The following GPALPP1 variants were observed in gnomAD, a reference collection of about 807,000 sequenced individuals.
The protein encoded by GPALPP1 is GPALPP motifs-containing protein 1.
GPALPP1 carries 30 observed loss-of-function variants against 38.9 expected under a neutral mutation model. The observed-to-expected ratio is 0.77, with a 90% CI of 0.58 to 1.05. GPALPP1 has a LOEUF of 1.05. Ranked by LOEUF, GPALPP1 falls within the 50% of genes least tolerant of loss-of-function variation. The pLI is 0.00. For synonymous variants in GPALPP1, 120 were observed against 139.2 expected, an observed-to-expected ratio of 0.86 and a Z score of 0.97; for missense variants, 384 against 408.8, an observed-to-expected ratio of 0.94 and a Z score of 0.52.
At chr13:44,996,614 C>T (rs943515054) in intron 1 of GPALPP1, among the ~76,000 whole-genome samples, 1 of 151,622 alleles carries the variant, frequency 6.6e-6, no homozygotes, top group Non-Finnish European at 1.5e-5. Flanking sequence ...TCCTGACTAG[C>T]TGAAATTACG....
In GPALPP1 at chr13:45,010,536, G is replaced by A. The variant is rs923009145; in HGVS notation, c.408+1657G>A. On this transcript the variant is annotated intron_variant, in intron 4 of 7. Transcript: ENST00000379151. ...TAGTAGATATTCAGAAGTATTTGTC[G>A]AATGAATGAATGAATCAAACACAGT... 5.9e-5 allele frequency among the ~76,000 whole-genome samples: 9 copies of A among 152,018 alleles called. No homozygotes were observed. In the South Asian group the frequency reaches 1.2e-3, roughly 21 times the overall value.
chr13:44,991,648 G>T (rs560370749), intron 1 of GPALPP1, among the ~76,000 whole-genome samples: 16 of 152,188 alleles, frequency 1.1e-4, no homozygotes, highest in African/African-American at 3.9e-4. Context: ...CATCTATCTG[G>T]ATTTTTAAGA....
Position 45,022,040 on chromosome 13 carries a change from A to G in GPALPP1, c.804+1612A>G, listed in dbSNP as rs150115144. The stretch of plus-strand genomic sequence containing the variant: ...TAGATGCTTTATTCATAATAGTTAA[A>G]TACTGTAAGCAGCTCAAATGTTGAT... On this transcript the variant is annotated intron_variant, in intron 7 of 7. Coordinates refer to ENST00000379151, the MANE Select transcript of GPALPP1 (RefSeq NM_018559.5). Among the ~76,000 whole-genome samples, 5 of 152,366 alleles carry G rather than the reference A, an allele frequency of 3.3e-5. No homozygotes were observed. In the East Asian group the frequency reaches 9.6e-4, roughly 29 times the overall value.
chr13:45,017,065 G>A (rs913652494), intron 6 of GPALPP1, among the ~76,000 whole-genome samples: 1 of 152,136 alleles, frequency 6.6e-6, no homozygotes, highest in African/African-American at 2.4e-5. Context: ...CACTAGCTCT[G>A]TTTGTATTAC....
intron 1 of GPALPP1, 75 bp downstream of exon 1, chr13:44,989,817 G>A: frequency 8.3e-7 from 1 of 1,199,442 alleles, no homozygotes; most frequent in Non-Finnish European, 1.2e-6. Flanking sequence ...GCTGAAGAAA[G>A]TCGGAGGCCT....
intron 1 of GPALPP1, among the ~76,000 whole-genome samples, chr13:44,992,126 G>A (rs1377459793): frequency 6.6e-6 from 1 of 152,194 alleles, no homozygotes; most frequent in Non-Finnish European, 1.5e-5. Flanking sequence ...AGTTCTCAGC[G>A]TGTATGAGAA....
In GPALPP1 at chr13:45,029,235, T is replaced by C. The variant is rs149349108; in HGVS notation, c.*1232T>C. 1.2e-4 allele frequency: 18 copies of C among 152,328 alleles called. No homozygotes were observed. The highest frequency in any genetic ancestry group is 3.6e-4 in the African/African-American group (15 of 41,576). The allele number at this position is 152,328 out of a possible 1,614,324, so 9.4% of individuals were successfully genotyped here. A position where few individuals can be genotyped will look rare whatever the true frequency, so the allele number is the denominator to read the frequency against. On this transcript the variant is annotated 3_prime_UTR_variant, in exon 8 of 8. Coordinates refer to ENST00000379151, the MANE Select transcript of GPALPP1 (RefSeq NM_018559.5). ...CTTACTGAGTTTTCTTATTCTTACCTCAGGGGGATTTCCCTGTGCAATGAA... is the reference window on the plus strand; with the variant it reads ...CTTACTGAGTTTTCTTATTCTTACCCCAGGGGGATTTCCCTGTGCAATGAA...
chr13:45,008,833 A>C lies in GPALPP1; in HGVS notation c.362A>C (p.Lys121Thr). The C allele has an allele frequency of 6.2e-7, 1 of 1,601,320 alleles. No homozygotes were observed. Among genetic ancestry groups the C allele is most frequent in the Non-Finnish European group, 8.6e-7 (1 of 1,168,716 alleles). ...CCTGCATTGCCACCTGGTTTCATTAAATCTACACAGAAAAGTGACAAGGGC... is the reference window on the plus strand; with the variant it reads ...CCTGCATTGCCACCTGGTTTCATTACATCTACACAGAAAAGTGACAAGGGC... ...IGPALPPGFIKSTQKSDKGRD... is the reference protein window; with the variant it reads ...IGPALPPGFITSTQKSDKGRD... Residue 121 changes from lysine to threonine, a missense_variant, in exon 4 of 8, where the codon AAA (lysine) becomes ACA (threonine). Transcript: ENST00000379151.
intron 1 of GPALPP1, among the ~76,000 whole-genome samples, chr13:44,995,169 A>ACACACACACACACACAC: frequency 7.8e-6 from 1 of 128,608 alleles, no homozygotes; most frequent in East Asian, 2.5e-4. Context: ...CCTATCTTTA[A>ACACACACACACACACAC]ACACACACAC....
chr13:44,996,880 A>G (rs1482768269), intron 1 of GPALPP1, among the ~76,000 whole-genome samples: 1 of 147,788 alleles, frequency 6.8e-6, no homozygotes, highest in Non-Finnish European at 1.5e-5. Context: ...TTAAATGTAC[A>G]GTTCAGTGGC....
In GPALPP1 at chr13:45,014,363, CTAACAGTTGAGA is replaced by C. The variant is rs1483892844; in HGVS notation, c.409-585_409-574del. Among the ~76,000 whole-genome samples, 13 of 152,212 alleles carry C rather than the reference CTAACAGTTGAGA, an allele frequency of 8.5e-5. No individual in the cohort carries two copies. The East Asian group carries it at 2.5e-3, about 29-fold the overall frequency. ...GCTAGAAACACTTAATGCTAAATCA[CTAACAGTTGAGA>C]TAAAATAATAGACAGGCCACTGTTG... is the stretch of plus-strand genomic sequence containing the variant. On this transcript the variant is annotated intron_variant, in intron 4 of 7. Coordinates refer to ENST00000379151, the MANE Select transcript of GPALPP1 (RefSeq NM_018559.5).
At chr13:45,011,589 C>G (rs1874481435) in intron 4 of GPALPP1, among the ~76,000 whole-genome samples, 1 of 152,056 alleles carries the variant, frequency 6.6e-6, no homozygotes, top group Admixed American at 6.5e-5. Flanking sequence ...AGAACAAACT[C>G]ACTATCACAA....
intron 7 of GPALPP1, among the ~76,000 whole-genome samples, chr13:45,024,694 C>T (rs527580579): frequency 1.3e-5 from 2 of 151,480 alleles, no homozygotes; most frequent in African/African-American, 4.8e-5. Context: ...TTTGGGAGGC[C>T]GAGGCAGGCA....
At chr13:45,000,008 C>T (rs150976666) in intron 1 of GPALPP1, among the ~76,000 whole-genome samples, 2 of 151,930 alleles carry the variant, frequency 1.3e-5, no homozygotes, top group Admixed American at 6.6e-5. Context: ...ACTATTTTTC[C>T]GTGATTATTT....
chr13:45,026,220 T>G (rs1286319214), intron 7 of GPALPP1, among the ~76,000 whole-genome samples: 1 of 152,246 alleles, frequency 6.6e-6, no homozygotes, highest in Non-Finnish European at 1.5e-5. Context: ...TAAGAAGTAC[T>G]TTGCTTAACC....
At position 45,020,414 on chromosome 13, in the gene GPALPP1, G is replaced by A. The variant is rs765915069; in HGVS notation, c.790G>A (p.Val264Ile). 228 of 1,368,930 alleles carry A rather than the reference G, an allele frequency of 1.7e-4. 5 individuals are homozygous for A. The Admixed American group carries it at 3.7e-3, about 22-fold the overall frequency. The allele number at this position is 1,368,930 out of a possible 1,614,324, so 84.8% of individuals were successfully genotyped here. Reference protein sequence around the residue: ...SGRDKRLAEQVSSYNESKRSE... With the variant: ...SGRDKRLAEQISSYNESKRSE... ...AAGAGATAAGAGACTGGCTGAGCAG[G>A]TATCTTCATACAATGTAAGTAAGAA... The change falls in exon 7 of 8, where the codon GTA (valine) becomes ATA (isoleucine). Residue 264 changes from valine (V) to isoleucine (I), a missense_variant. Val to Ile is a conservative substitution (Grantham distance 29). Coordinates refer to ENST00000379151, the MANE Select transcript of GPALPP1 (RefSeq NM_018559.5).
intron 3 of GPALPP1, among the ~76,000 whole-genome samples, chr13:45,007,764 A>G (rs1209923231): frequency 6.6e-6 from 1 of 152,248 alleles, no homozygotes; most frequent in Non-Finnish European, 1.5e-5. Flanking sequence ...ATTTTAGCTT[A>G]GGACTTCAGT....
intron 1 of GPALPP1, among the ~76,000 whole-genome samples, chr13:44,997,996 G>A (rs1873413894): frequency 1.3e-5 from 2 of 152,110 alleles, no homozygotes; most frequent in African/African-American, 4.8e-5. Context: ...AATCCTCACA[G>A]GCTTCACCTC....
At chr13:44,993,353 A>G (rs576164135) in intron 1 of GPALPP1, among the ~76,000 whole-genome samples, 1 of 152,276 alleles carries the variant, frequency 6.6e-6, no homozygotes, top group African/African-American at 2.4e-5. Flanking sequence ...ACATTTTGAG[A>G]GGCCGGGCAC....
Sources: gnomAD v4.1 joint callset for allele counts (sites outside exome capture counted in the v4.1 genomes callset) on GRCh38, gnomAD v4.1.1 for gene constraint, MANE v1.5 for transcripts, NCBI Gene and HGNC (gene_info 2026-07-23, HGNC 2026-07-21) for gene names.